Variants in SLC25A48 observed in about 807,000 individuals in gnomAD.
The protein encoded by SLC25A48 is solute carrier family 25 member 48, also known as CTC-321K16.1.
Under a neutral mutation model 32.2 loss-of-function variants are expected in SLC25A48, and 29 were observed. The ratio of observed to expected loss-of-function variants is 0.90; its 90% CI spans 0.67 to 1.23. The LOEUF (loss-of-function observed/expected upper bound fraction) is 1.23. Among genes scored for constraint, SLC25A48 ranks in the 50% most tolerant of loss-of-function variants. The pLI is 0.00. For synonymous variants in SLC25A48, 164 were observed against 172.3 expected (o/e 0.95, Z 0.38); for missense variants, 399 against 422.7 (o/e 0.94, Z 0.49).
At chr5:135,837,313 C>A (rs1478523126) in intron 1 of SLC25A48, among the ~76,000 whole-genome samples, 1 of 152,122 alleles carries the variant, frequency 6.6e-6, no homozygotes, top group Non-Finnish European at 1.5e-5. Context: ...TGGTTCTGGA[C>A]CCAGGGAATC....
At chr5:135,778,416 A>C (rs1304159219) in intron 3 of SLC25A48, among the ~76,000 whole-genome samples, 1 of 151,234 alleles carries the variant, frequency 6.6e-6, no homozygotes, top group Non-Finnish European at 1.5e-5. Context: ...AGATGATATT[A>C]CTCCCTATAC....
intron 3 of SLC25A48, among the ~76,000 whole-genome samples, chr5:135,797,518 A>G (rs1757216244): frequency 6.6e-6 from 1 of 151,844 alleles, no homozygotes; most frequent in Non-Finnish European, 1.5e-5. Context: ...TATACTTCCT[A>G]AAGTTTAGAA....
intron 2 of SLC25A48, 55 bp downstream of exon 2, chr5:135,842,514 C>A: frequency 6.6e-7 from 1 of 1,512,934 alleles, no homozygotes. Context: ...AGCTGACCTG[C>A]CTCTGGGACT....
chr5:135,868,973 C>T (rs1048841418), intron 4 of SLC25A48, among the ~76,000 whole-genome samples: 1 of 152,006 alleles, frequency 6.6e-6, no homozygotes. Flanking sequence ...ACAATTATAT[C>T]GATTCAGTTG....
chr5:135,859,926 C>T (rs1423434807), intron 4 of SLC25A48, among the ~76,000 whole-genome samples: 2 of 152,158 alleles, frequency 1.3e-5, no homozygotes, highest in Non-Finnish European at 2.9e-5. Context: ...TTGTGACCTC[C>T]TAAATAATGG....
intron 1 of SLC25A48, among the ~76,000 whole-genome samples, chr5:135,612,372 C>T (rs1752094075): frequency 6.6e-6 from 1 of 152,120 alleles, no homozygotes; most frequent in Non-Finnish European, 1.5e-5. Context: ...GAGGATTTAT[C>T]ATTTCTGTGT....
intron 3 of SLC25A48, among the ~76,000 whole-genome samples, chr5:135,777,336 A>G (rs1446212867): frequency 4.6e-5 from 7 of 151,742 alleles, no homozygotes; most frequent in Non-Finnish European, 7.4e-5. Flanking sequence ...ATTGTTCCCA[A>G]TATCCAAAAA....
chr5:135,837,444 G>A (rs186912295), intron 1 of SLC25A48, among the ~76,000 whole-genome samples: 83 of 152,226 alleles, frequency 5.5e-4, no homozygotes, highest in African/African-American at 1.8e-3. Flanking sequence ...CAGTGTTCTC[G>A]GGAATTTGTC....
chr5:135,840,486 C>T (rs777526722), intron 1 of SLC25A48, among the ~76,000 whole-genome samples: 8 of 152,244 alleles, frequency 5.3e-5, no homozygotes, highest in Non-Finnish European at 1.0e-4. Flanking sequence ...ATTCACAACA[C>T]TGTGCAACCA....
At chr5:135,599,976 GA>G (rs74711569) in intron 1 of SLC25A48, among the ~76,000 whole-genome samples, 80 of 145,490 alleles carry the variant, frequency 5.5e-4, no homozygotes, top group Admixed American at 8.9e-4. Context: ...ACATATCTAA[GA>G]AAAAAAAAAA....
At chr5:135,881,694 A>G (rs781699473) in intron 7 of SLC25A48, among the ~76,000 whole-genome samples, 6 of 152,206 alleles carry the variant, frequency 3.9e-5, no homozygotes, top group Non-Finnish European at 8.8e-5. Flanking sequence ...AAATCCTATA[A>G]CAAAAGCCAG....
At chr5:135,669,144 G>C (rs1561783099) in intron 3 of SLC25A48, among the ~76,000 whole-genome samples, 2 of 152,124 alleles carry the variant, frequency 1.3e-5, no homozygotes, top group African/African-American at 4.8e-5. Context: ...TTAAGAAACA[G>C]GCCATGAGAG....
chr5:135,654,178 G>A (rs957402129), intron 3 of SLC25A48, among the ~76,000 whole-genome samples: 2 of 152,174 alleles, frequency 1.3e-5, no homozygotes, highest in Admixed American at 6.5e-5. Context: ...GTGCAAGAAG[G>A]CTGGATTTCT....
At chr5:135,809,580 G>A (rs934139668) in intron 3 of SLC25A48, among the ~76,000 whole-genome samples, 1 of 152,120 alleles carries the variant, frequency 6.6e-6, no homozygotes, top group South Asian at 2.1e-4. Context: ...ACACAATTAA[G>A]ATCTAGAACA....
chr5:135,836,491 T>G (rs189941917), intron 1 of SLC25A48, among the ~76,000 whole-genome samples: 1 of 152,318 alleles, frequency 6.6e-6, no homozygotes, highest in East Asian at 1.9e-4. Context: ...TTTTATGTAT[T>G]ATAAAATTCA....
intron 1 of SLC25A48, among the ~76,000 whole-genome samples, chr5:135,597,133 T>G (rs1751673801): frequency 6.6e-6 from 1 of 152,220 alleles, no homozygotes; most frequent in South Asian, 2.1e-4. Context: ...CTTATAAGGT[T>G]GATTTGAGGA....
intron 3 of SLC25A48, among the ~76,000 whole-genome samples, chr5:135,646,465 A>G (rs1752961159): frequency 6.6e-6 from 1 of 152,012 alleles, no homozygotes; most frequent in Admixed American, 6.6e-5. Context: ...CTGGCCACCT[A>G]GACTCAGGAT....
intron 3 of SLC25A48, among the ~76,000 whole-genome samples, chr5:135,728,887 C>CACACACACACACACAT: frequency 7.3e-6 from 1 of 136,756 alleles, no homozygotes; most frequent in Non-Finnish European, 1.6e-5. Context: ...CACACACATA[C>CACACACACACACACAT]ACACACACCC....
intron 3 of SLC25A48, among the ~76,000 whole-genome samples, chr5:135,673,016 T>C (rs1753690247): frequency 6.6e-6 from 1 of 152,238 alleles, no homozygotes; most frequent in South Asian, 2.1e-4. Context: ...TCTTTCAGCA[T>C]AATTATTTTG....
Sources: gnomAD v4.1 joint callset for allele counts (sites outside exome capture counted in the v4.1 genomes callset) on GRCh38, gnomAD v4.1.1 for gene constraint, MANE v1.5 for transcripts, NCBI Gene and HGNC (gene_info 2026-07-23, HGNC 2026-07-21) for gene names.